Variants in COL14A1 observed in about 807,000 individuals in gnomAD.
COL14A1 encodes the protein collagen type XIV alpha 1 chain.
A neutral mutation model predicts 230.3 loss-of-function variants in COL14A1; 136 were observed. The observed-to-expected ratio is 0.59, with a 90% CI of 0.51 to 0.68. The LOEUF (loss-of-function observed/expected upper bound fraction) is 0.68, where lower values mean the gene tolerates loss of function less well. Ranked by LOEUF, COL14A1 falls within the 30% of genes least tolerant of loss-of-function variation. COL14A1 has a pLI of 0.00. For synonymous variants in COL14A1, 792 were observed against 784.1 expected (o/e 1.01, Z -0.17); for missense variants, 1,976 against 2,215.8 (o/e 0.89, Z 2.17).
intron 5 of COL14A1, among the ~76,000 whole-genome samples, chr8:120,178,807 T>G (rs1354192601): frequency 6.6e-6 from 1 of 152,238 alleles, no homozygotes; most frequent in African/African-American, 2.4e-5. Context: ...GTGGTTTTGA[T>G]TTGAGTTTCT....
intron 45 of COL14A1, among the ~76,000 whole-genome samples, chr8:120,358,109 C>T (rs1456005648): frequency 6.6e-6 from 1 of 152,074 alleles, no homozygotes; most frequent in African/African-American, 2.4e-5. Context: ...TTGTTTTTGC[C>T]ATGGAAGCTA....
intron 37 of COL14A1, 34 bp downstream of exon 37, chr8:120,310,096 AT>A (rs1820986611): frequency 6.7e-7 from 1 of 1,495,240 alleles, no homozygotes; most frequent in African/African-American, 1.4e-5. Context: ...TCTCTGTCTC[AT>A]CTCTCTCTCT....
At chr8:120,330,853 C>A (rs1274386378) in intron 40 of COL14A1, among the ~76,000 whole-genome samples, 1 of 152,078 alleles carries the variant, frequency 6.6e-6, no homozygotes. Context: ...TGCCTGTAAT[C>A]CCAGCACTTT....
chr8:120,286,592 C>G (rs1193345545), intron 33 of COL14A1, among the ~76,000 whole-genome samples: 1 of 152,166 alleles, frequency 6.6e-6, no homozygotes, highest in Non-Finnish European at 1.5e-5. Context: ...TCACTACAAG[C>G]TCTGCCTCCC....
At chr8:120,255,111 A>G in intron 22 of COL14A1, 129 bp from the exon 23 acceptor site, 1 of 727,434 alleles carries the variant, frequency 1.4e-6, no homozygotes, top group South Asian at 1.6e-5. Context: ...AACTCATTGT[A>G]AATTGATGGA....
At chr8:120,263,593 A>G (rs905631652) in intron 24 of COL14A1, among the ~76,000 whole-genome samples, 1 of 152,224 alleles carries the variant, frequency 6.6e-6, no homozygotes, top group African/African-American at 2.4e-5. Context: ...GCTTCTAGTC[A>G]AAGATTCTTG....
chr8:120,233,714 A>G (rs1173374196), intron 19 of COL14A1, among the ~76,000 whole-genome samples: 1 of 152,140 alleles, frequency 6.6e-6, no homozygotes, highest in South Asian at 2.1e-4. Context: ...TGTTTTGGTT[A>G]CTGTGGCCTT....
intron 43 of COL14A1, 37 bp downstream of exon 43, chr8:120,341,397 T>G (rs2130265509): frequency 6.2e-7 from 1 of 1,610,784 alleles, no homozygotes; most frequent in African/African-American, 1.3e-5. Flanking sequence ...GGCCCCAGCT[T>G]GTTGCACCCC....
intron 9 of COL14A1, among the ~76,000 whole-genome samples, chr8:120,204,980 C>A (rs746635034): frequency 6.6e-6 from 1 of 152,094 alleles, no homozygotes; most frequent in Non-Finnish European, 1.5e-5. Flanking sequence ...ACCTCTCACA[C>A]CAACCTAGCT....
chr8:120,215,446 G>T (rs893719956), intron 13 of COL14A1, among the ~76,000 whole-genome samples: 1 of 152,032 alleles, frequency 6.6e-6, no homozygotes, highest in African/African-American at 2.4e-5. Context: ...AAAAAGAAAA[G>T]AAAAGAAAAG....
At chr8:120,147,395 T>C (rs908595722) in intron 1 of COL14A1, among the ~76,000 whole-genome samples, 1 of 152,176 alleles carries the variant, frequency 6.6e-6, no homozygotes, top group Non-Finnish European at 1.5e-5. Flanking sequence ...TTGTTCTTTG[T>C]AGGCAATATA....
intron 45 of COL14A1, among the ~76,000 whole-genome samples, chr8:120,358,474 C>A (rs1586896216): frequency 6.6e-6 from 1 of 152,056 alleles, no homozygotes; most frequent in African/African-American, 2.4e-5. Context: ...CTCATTCACA[C>A]CTTGAGCCCT....
chr8:120,171,151 C>A (rs973724888), intron 5 of COL14A1, among the ~76,000 whole-genome samples: 5 of 152,010 alleles, frequency 3.3e-5, no homozygotes, highest in African/African-American at 9.7e-5. Context: ...CTAACATAGT[C>A]TAATACTAAT....
chr8:120,309,445 A>G (rs1049610269), intron 36 of COL14A1, among the ~76,000 whole-genome samples: 8 of 152,186 alleles, frequency 5.3e-5, no homozygotes, highest in African/African-American at 1.9e-4. Flanking sequence ...ATATATATAC[A>G]TATTATGTTT....
intron 47 of COL14A1, among the ~76,000 whole-genome samples, chr8:120,369,953 C>T (rs997935487): frequency 2.6e-5 from 4 of 152,190 alleles, no homozygotes; most frequent in African/African-American, 9.7e-5. Context: ...ATCATGCATA[C>T]CACTTGCATT....
At chr8:120,233,449 G>T (rs1283286333) in intron 19 of COL14A1, among the ~76,000 whole-genome samples, 3 of 129,816 alleles carry the variant, frequency 2.3e-5, no homozygotes, top group African/African-American at 3.3e-5. Flanking sequence ...GAAACATGCG[G>T]TGTTTGGTTG....
rs769477317 is a variant in COL14A1 at position 120,266,869 on chromosome 8, C to T, written c.3059C>T (p.Pro1020Leu). The T allele has an allele frequency of 6.2e-7, 1 of 1,611,506 alleles. No individual in the cohort carries two copies. Residue 1020 changes from proline (P) to leucine (L), a missense_variant, in exon 25 of 48, where the codon CCA becomes CTA. This residue lies in a region of COL14A1 where 1,791 missense variants were observed against 2,019.5 expected (regional missense o/e 0.89). Transcript: ENST00000297848. ...CCACCAACTTTTCCTCCAACCATTC[C>T]ACCAGCAAAAGAAGGTAAAAGAATA... Reference protein sequence around the residue: ...TRPPTFPPTIPPAKEVCKAAK... With the variant: ...TRPPTFPPTILPAKEVCKAAK...
At chr8:120,333,334 C>T (rs890722320) in intron 42 of COL14A1, among the ~76,000 whole-genome samples, 2 of 152,162 alleles carry the variant, frequency 1.3e-5, no homozygotes, top group African/African-American at 4.8e-5. Flanking sequence ...ACATCTGGGC[C>T]TGTTTCTTCA....
Position 120,227,276 on chromosome 8 carries a change from G to A in COL14A1, c.2061G>A (p.Thr687=), listed in dbSNP as rs61753754. 10,891 of 1,613,984 alleles carry A rather than the reference G, an allele frequency of 6.7e-3. 180 individuals are homozygous for A. The highest frequency in any genetic ancestry group is 0.067 in the Middle Eastern group (407 of 6,044). ...TTATTGAAGGCCTGGAGCCCGGTAC[G>A]GAGTATGAAGTTTCACTATTGGCCG... ...SHVIEGLEPG[T]EYEVSLLAVL... The change falls in exon 17 of 48, where the codon ACG becomes ACA. Residue 687 remains threonine, a synonymous_variant. Transcript: ENST00000297848.
Sources: gnomAD v4.1 joint callset for allele counts (sites outside exome capture counted in the v4.1 genomes callset) on GRCh38, gnomAD v4.1.1 for gene constraint, gnomAD v4.1.1 regional missense constraint, MANE v1.5 for transcripts, NCBI Gene and HGNC (gene_info 2026-07-23, HGNC 2026-07-21) for gene names.